The following ZNF488 variants were observed in gnomAD, a reference collection of about 807,000 sequenced individuals.
ZNF488 encodes the protein zinc finger protein 488.
Under a neutral mutation model 1.2 loss-of-function variants are expected in ZNF488, and 1 was observed. The observed-to-expected ratio is 0.86, with a 90% confidence interval of 0.30 to 4.07. ZNF488 has a LOEUF of 4.07. Ranked by LOEUF, ZNF488 falls within the 30% of genes most tolerant of loss-of-function variation. The pLI is 0.18. For synonymous variants in ZNF488, 185 were observed against 190.1 expected (o/e 0.97, Z 0.22); for missense variants, 450 against 437.9 (o/e 1.03, Z -0.25).
chr10:47,369,978 C>CTGAACGAA (rs1388303628), intron 1 of ZNF488, among the ~76,000 whole-genome samples: 1 of 152,132 alleles, frequency 6.6e-6, no homozygotes, highest in African/African-American at 2.4e-5. Context: ...GAAGCCTTTG[C>CTGAACGAA]TGAATGAATG....
In ZNF488 at chr10:47,368,933, G is replaced by T; in HGVS notation, c.-104C>A. On this transcript the variant is annotated 5_prime_UTR_variant, in exon 2 of 2. The change creates a new upstream start codon in the 5' untranslated region. Transcript: ENST00000585316. ...ACTGGGCTGGACACACTCGGCCACAGGGCCCTGCAGAGAGAGGAAGCGACA... is the reference window on the plus strand; with the variant it reads ...ACTGGGCTGGACACACTCGGCCACATGGCCCTGCAGAGAGAGGAAGCGACA... 1 of 1,379,996 alleles carries T rather than the reference G, an allele frequency of 7.2e-7. No homozygotes were observed. 85.5% of individuals were successfully genotyped at this position (1,379,996 alleles called of 1,614,324 possible). A position where few individuals can be genotyped will look rare whatever the true frequency, so the allele number is the denominator to read the frequency against.
intron 1 of ZNF488, among the ~76,000 whole-genome samples, chr10:47,369,781 G>C (rs1300974776): frequency 6.6e-6 from 1 of 152,162 alleles, no homozygotes; most frequent in Admixed American, 6.5e-5. Context: ...AGTGCTCTCA[G>C]ACACAGACAA....
rs762299264 is a variant in ZNF488, at chr10:47,378,201, T to A, written c.-109+6019A>T. Among the ~76,000 whole-genome samples the A allele has an allele frequency of 9.9e-4, 151 of 152,330 alleles. 2 individuals carry two copies. Among genetic ancestry groups the A allele is most frequent in the Non-Finnish European group, 2.1e-4 (14 of 68,036 alleles). On this transcript the variant is annotated intron_variant, in intron 1 of 1. Transcript: ENST00000585316. Reference sequence around the variant, plus strand: ...CAGAGCTTCGCGAACTGCCTGCCTGTGCCAAACTGGACCTCCATGGATGGA... The same window carrying A: ...CAGAGCTTCGCGAACTGCCTGCCTGAGCCAAACTGGACCTCCATGGATGGA...
At chr10:47,373,386 A>C (rs1343507730) in intron 1 of ZNF488, among the ~76,000 whole-genome samples, 2 of 152,238 alleles carry the variant, frequency 1.3e-5, no homozygotes, top group Admixed American at 6.5e-5. Flanking sequence ...AGGAATACCA[A>C]GAAGCAAATT....
At chr10:47,379,696 A>G (rs76871080) in intron 1 of ZNF488, among the ~76,000 whole-genome samples, 2 of 129,534 alleles carry the variant, frequency 1.5e-5, no homozygotes, top group Admixed American at 7.6e-5. Context: ...CTCCTCATGC[A>G]CGTCTCTCCT....
chr10:47,374,997 A>G (rs1394880062), intron 1 of ZNF488, among the ~76,000 whole-genome samples: 4 of 152,234 alleles, frequency 2.6e-5, no homozygotes, highest in Admixed American at 2.6e-4. Flanking sequence ...GACTGAACCA[A>G]TGACAGTATC....
At chr10:47,383,436 C>T (rs7900974) in intron 1 of ZNF488, among the ~76,000 whole-genome samples, 5,184 of 152,256 alleles carry the variant, frequency 0.034, 305 homozygotes, top group African/African-American at 0.12. Context: ...CCTGGCATTG[C>T]ATAGCCTGCC....
In ZNF488 at chr10:47,368,263, C is replaced by CA; in HGVS notation, c.566dup (p.Glu191GlyfsTer26). The CA allele has an allele frequency of 6.2e-7, 1 of 1,614,210 alleles. No individual in the cohort carries two copies. The highest frequency in any genetic ancestry group is 1.6e-4 in the Middle Eastern group (1 of 6,062). On this transcript the variant is annotated frameshift_variant, in exon 2 of 2. Transcript: ENST00000585316. LOFTEE classifies it low-confidence loss of function (END_TRUNC). ...TGTTGAGGAGTCCAGACAGCTCCCC[C>CA]AGGGCATCTGCAGATTCCCCTGCAG...
At chr10:47,382,443 T>A (rs559585712) in intron 1 of ZNF488, among the ~76,000 whole-genome samples, 11 of 152,176 alleles carry the variant, frequency 7.2e-5, no homozygotes, top group Admixed American at 2.0e-4. Flanking sequence ...TCTTTTTTTT[T>A]AAATAATTGG....
intron 1 of ZNF488, among the ~76,000 whole-genome samples, chr10:47,382,067 A>G (rs797037787): frequency 7.3e-6 from 1 of 137,912 alleles, no homozygotes; most frequent in Non-Finnish European, 1.6e-5. Context: ...CCCTGCCACT[A>G]CCTGCCTGAG....
At position 47,367,666 on chromosome 10, in the gene ZNF488, T is replaced by G. The variant is rs918900193; in HGVS notation, c.*141A>C. ...TCATGCAGGTGTGGCTTTTTCAAAT[T>G]ATGCCTGAGCTGTTTATCTATGAAT... is the stretch of plus-strand genomic sequence containing the variant. On this transcript the variant is annotated 3_prime_UTR_variant, in exon 2 of 2. Transcript: ENST00000585316. The G allele has an allele frequency of 1.1e-6, 1 of 939,314 alleles. No homozygotes were observed. The highest frequency in any genetic ancestry group is 1.6e-6 in the Non-Finnish European group (1 of 629,560). 58.2% of individuals were successfully genotyped at this position (939,314 alleles called of 1,614,324 possible).
intron 1 of ZNF488, among the ~76,000 whole-genome samples, chr10:47,378,759 ACTAGCTCCT>A (rs1286633002): frequency 6.6e-6 from 1 of 152,150 alleles, no homozygotes; most frequent in Non-Finnish European, 1.5e-5. Flanking sequence ...CAAGCTTTTG[ACTAGCTCCT>A]GTGGAACATC....
At chr10:47,372,705 G>A (rs781785939) in intron 1 of ZNF488, among the ~76,000 whole-genome samples, 6 of 152,142 alleles carry the variant, frequency 3.9e-5, no homozygotes, top group Non-Finnish European at 8.8e-5. Flanking sequence ...TGAAGTCAGG[G>A]GTCACAGGCA....
At chr10:47,379,838 T>C (rs1289469137) in intron 1 of ZNF488, among the ~76,000 whole-genome samples, 1 of 152,234 alleles carries the variant, frequency 6.6e-6, no homozygotes, top group Non-Finnish European at 1.5e-5. Context: ...GGGTATCTCA[T>C]TCCAGGTCAT....
At chr10:47,371,502 T>C (rs1482866473) in intron 1 of ZNF488, among the ~76,000 whole-genome samples, 1 of 152,206 alleles carries the variant, frequency 6.6e-6, no homozygotes, top group Non-Finnish European at 1.5e-5. Context: ...TACCATATAA[T>C]ACACTATATA....
rs1555212968 is a variant in ZNF488, at chr10:47,367,603, A to C, written c.*204T>G. ...CCTCTACCCTGGATTTGCAAAGCCCATCACTTTATTTCAGGACTTCATTTC... is the reference window on the plus strand; with the variant it reads ...CCTCTACCCTGGATTTGCAAAGCCCCTCACTTTATTTCAGGACTTCATTTC... On this transcript the variant is annotated 3_prime_UTR_variant, in exon 2 of 2. Coordinates refer to ENST00000585316, the MANE Select transcript of ZNF488 (RefSeq NM_153034.4). 1.5e-6 allele frequency: 1 copy of C among 662,964 alleles called. No homozygotes were observed. The highest frequency in any genetic ancestry group is 2.6e-6 in the Non-Finnish European group (1 of 389,572). The allele number at this position is 662,964 out of a possible 1,614,324, so 41.1% of individuals were successfully genotyped here. A position where few individuals can be genotyped will look rare whatever the true frequency, so the allele number is the denominator to read the frequency against.
In ZNF488 at chr10:47,368,794, C is replaced by T. The variant is rs200505354; in HGVS notation, c.36G>A (p.Pro12=). ...CAGCTGCCATGGTGATCACCAGGGC[C>T]GGGGCCACAGATAAGCAAGGTGGCC... ...PEWPPCLSVA[P]ALVITMAAGK... is the part of the protein sequence containing the mutation. Residue 12 remains proline, a synonymous_variant, in exon 2 of 2, where the codon CCG becomes CCA. Coordinates refer to ENST00000585316, the MANE Select transcript of ZNF488 (RefSeq NM_153034.4). The T allele has an allele frequency of 3.6e-5, 58 of 1,604,312 alleles. No individual in the cohort carries two copies. In the East Asian group the frequency reaches 4.9e-4, roughly 14 times the overall value.
chr10:47,368,754 A>G lies in ZNF488; in HGVS notation c.76T>C (p.Leu26=). 1.2e-6 allele frequency: 2 copies of G among 1,613,130 alleles called. No individual in the cohort carries two copies. Among genetic ancestry groups the G allele is most frequent in the African/African-American group, 2.7e-5 (2 of 75,058 alleles). Residue 26 remains leucine, a synonymous_variant, in exon 2 of 2, where the codon TTG becomes CTG. Coordinates refer to ENST00000585316, the MANE Select transcript of ZNF488 (RefSeq NM_153034.4). ...ITMAAGKGAP[L]SPSAENRWRL... is the part of the protein sequence containing the mutation. Reference sequence around the variant, plus strand: ...CATCTGTTTTCAGCCGATGGGCTCAACGGGGCTCCCTTCCCAGCTGCCATG... The same window carrying G: ...CATCTGTTTTCAGCCGATGGGCTCAGCGGGGCTCCCTTCCCAGCTGCCATG...
intron 1 of ZNF488, among the ~76,000 whole-genome samples, chr10:47,380,733 G>A (rs1837911228): frequency 5.8e-5 from 1 of 17,102 alleles, no homozygotes; most frequent in African/African-American, 2.8e-4. Flanking sequence ...CCAAATAGAT[G>A]TTAAGTGCAC....
Sources: allele counts gnomAD v4.1 joint callset (sites outside exome capture counted in the v4.1 genomes callset), GRCh38; gene constraint gnomAD v4.1.1; transcripts MANE v1.5; gene names NCBI Gene and HGNC (gene_info 2026-07-23, HGNC 2026-07-21).